The following CFAP418 variants were observed in gnomAD, a reference collection of about 807,000 sequenced individuals.
CFAP418 encodes cilia and flagella associated protein 418.
In CFAP418, 27 loss-of-function variants were observed where a neutral mutation model predicts 24.7. The ratio of observed to expected loss-of-function variants is 1.09; its 90% CI spans 0.81 to 1.51. The LOEUF is 1.51. CFAP418 is among the 40% of genes most tolerant of loss of function. The probability of loss-of-function intolerance (pLI) is 0.00; values close to 1 mark genes in which losing one functional copy is unlikely to be tolerated. For missense variants in CFAP418, 257 were observed against 255.2 expected, an observed-to-expected ratio of 1.01 and a Z score of -0.05; for synonymous variants, 74 against 87.3, an observed-to-expected ratio of 0.85 and a Z score of 0.85.
intron 2 of CFAP418, 133 bp downstream of exon 2, chr8:95,263,554 T>C (rs1206917747): frequency 5.5e-6 from 3 of 545,706 alleles, no homozygotes; most frequent in Non-Finnish European, 9.8e-6. Flanking sequence ...TTAAGTGTAA[T>C]AATTTCTTTA....
intron 2 of CFAP418, 44 bp from the exon 3 acceptor site, chr8:95,260,576 A>C (rs746289055): frequency 4.2e-6 from 5 of 1,177,554 alleles, no homozygotes; most frequent in South Asian, 2.8e-5. Flanking sequence ...GTAACTTAGA[A>C]AACTGTAACA....
intron 1 of CFAP418, among the ~76,000 whole-genome samples, chr8:95,267,418 G>A (rs1812007880): frequency 6.6e-6 from 1 of 152,028 alleles, no homozygotes; most frequent in Non-Finnish European, 1.5e-5. Flanking sequence ...TGGCTAACAC[G>A]GTGAAACCCC....
In CFAP418 at chr8:95,268,751, C is replaced by G. The variant is rs1309657633; in HGVS notation, c.155+284G>C. 478 of 114,028 alleles carry G rather than the reference C, an allele frequency of 4.2e-3. 4 individuals are homozygous for G. Among genetic ancestry groups the G allele is most frequent in the Non-Finnish European group, 6.1e-3 (412 of 67,188 alleles). The allele number at this position is 114,028 out of a possible 1,614,324, so 7.1% of individuals were successfully genotyped here. Reference sequence around the variant, plus strand: ...AGACTGGCGCGGACTGCGGGCTCTGCGGGCGGGGCGGGGCGGGGCGGGGCG... The same window carrying G: ...AGACTGGCGCGGACTGCGGGCTCTGGGGGCGGGGCGGGGCGGGGCGGGGCG... On this transcript the variant is annotated intron_variant, in intron 1 of 5. Transcript: ENST00000286688.
At chr8:95,257,981 T>G (rs1485300096) in intron 4 of CFAP418, among the ~76,000 whole-genome samples, 1 of 152,122 alleles carries the variant, frequency 6.6e-6, no homozygotes, top group Non-Finnish European at 1.5e-5. Context: ...GACCTTCCTG[T>G]GGCGCAAGAT....
Position 95,247,397 on chromosome 8 carries a change from C to T in CFAP418, c.*220G>A. The T allele has an allele frequency of 1.9e-6, 1 of 535,718 alleles. No homozygotes were observed. Among genetic ancestry groups the T allele is most frequent in the Non-Finnish European group, 3.3e-6 (1 of 304,080 alleles). 33.2% of individuals were successfully genotyped at this position (535,718 alleles called of 1,614,324 possible). A position where few individuals can be genotyped will look rare whatever the true frequency, so the allele number is the denominator to read the frequency against. ...TAGTAAAGAATGTAGATGCCTGTTACTAAGTGAAACATCCATGTATCAGGA... is the reference window on the plus strand; with the variant it reads ...TAGTAAAGAATGTAGATGCCTGTTATTAAGTGAAACATCCATGTATCAGGA... On this transcript the variant is annotated 3_prime_UTR_variant, in exon 6 of 6. Coordinates refer to ENST00000286688, the MANE Select transcript of CFAP418 (RefSeq NM_177965.4).
chr8:95,252,151 G>T, intron 5 of CFAP418, 37 bp downstream of exon 5: 1 of 1,462,782 alleles, frequency 6.8e-7, no homozygotes, highest in Non-Finnish European at 9.5e-7. Context: ...TAAACTACTT[G>T]GTACTTTTTT....
Position 95,252,208 on chromosome 8 carries a change from C to T in CFAP418, c.450G>A (p.Ser150=), listed in dbSNP as rs35141355. 0.017 allele frequency: 28,046 copies of T among 1,612,252 alleles called. 351 individuals carry two copies. The highest frequency in any genetic ancestry group is 0.017 in the Non-Finnish European group (20,333 of 1,178,984). Residue 150 remains serine, a synonymous_variant, in exon 5 of 6, where the codon TCG becomes TCA. Coordinates refer to ENST00000286688, the MANE Select transcript of CFAP418 (RefSeq NM_177965.4). ...CATACCTGAAAAACAGATAATCACA[C>T]GATTTGTCCCACATATAGTCATCAT... ...VSYDDYMWDK[S]CDYLFFRNNM... is the part of the protein sequence containing the mutation.
At chr8:95,248,195 C>T (rs1270180138) in intron 5 of CFAP418, among the ~76,000 whole-genome samples, 1 of 152,188 alleles carries the variant, frequency 6.6e-6, no homozygotes, top group Non-Finnish European at 1.5e-5. Flanking sequence ...TCCCCTCACA[C>T]TAACACTAGA....
chr8:95,265,447 G>T (rs1430707731), intron 1 of CFAP418, among the ~76,000 whole-genome samples: 1 of 152,122 alleles, frequency 6.6e-6, no homozygotes, highest in Non-Finnish European at 1.5e-5. Flanking sequence ...TCTCTCGAAG[G>T]TTTCCACTGC....
At position 95,245,452 on chromosome 8, in the gene CFAP418, C is replaced by A. The variant is rs896016322; in HGVS notation, c.*2165G>T. On this transcript the variant is annotated 3_prime_UTR_variant, in exon 6 of 6. Coordinates refer to ENST00000286688, the MANE Select transcript of CFAP418 (RefSeq NM_177965.4). ...TGAAATAATAAAAGGGAAAAAAAAA[C>A]CAGGACAACTTTGTCCCTTCAAAGT... 6 of 152,050 alleles carry A rather than the reference C, an allele frequency of 3.9e-5. No homozygotes were observed. The highest frequency in any genetic ancestry group is 9.7e-5 in the African/African-American group (4 of 41,426). The allele number at this position is 152,050 out of a possible 1,614,324, so 9.4% of individuals were successfully genotyped here. A position where few individuals can be genotyped will look rare whatever the true frequency, so the allele number is the denominator to read the frequency against.
At chr8:95,257,443 T>C (rs991889178) in intron 4 of CFAP418, among the ~76,000 whole-genome samples, 2 of 152,334 alleles carry the variant, frequency 1.3e-5, no homozygotes, top group South Asian at 2.1e-4. Context: ...TTTTGTCCTA[T>C]AGCCCTACCT....
chr8:95,266,320 C>T (rs141512119), intron 1 of CFAP418, among the ~76,000 whole-genome samples: 28 of 152,216 alleles, frequency 1.8e-4, no homozygotes, highest in African/African-American at 6.7e-4. Flanking sequence ...CTTCTCAACC[C>T]ACATCAGTCT....
chr8:95,258,467 T>C (rs1489954524), intron 4 of CFAP418, among the ~76,000 whole-genome samples: 1 of 151,578 alleles, frequency 6.6e-6, no homozygotes, highest in Non-Finnish European at 1.5e-5. Flanking sequence ...GAAAATATTT[T>C]AGTATAGCTG....
intron 4 of CFAP418, among the ~76,000 whole-genome samples, chr8:95,254,139 T>G (rs1011555413): frequency 2.0e-5 from 3 of 152,258 alleles, no homozygotes; most frequent in African/African-American, 7.2e-5. Context: ...AGTACCAGTC[T>G]ATGGAATAAT....
chr8:95,248,610 G>A (rs62522658), intron 5 of CFAP418, among the ~76,000 whole-genome samples: 5,580 of 152,094 alleles, frequency 0.037, 144 homozygotes, highest in African/African-American at 0.062. Context: ...TAGGGCCATC[G>A]TAAAAATGAT....
At chr8:95,250,517 A>C (rs778660471) in intron 5 of CFAP418, among the ~76,000 whole-genome samples, 16 of 152,174 alleles carry the variant, frequency 1.1e-4, no homozygotes, top group Non-Finnish European at 2.2e-4. Flanking sequence ...TTATTATCCT[A>C]TGATAGTTTT....
intron 5 of CFAP418, among the ~76,000 whole-genome samples, chr8:95,249,296 G>T (rs1811673116): frequency 6.6e-6 from 1 of 152,172 alleles, no homozygotes; most frequent in South Asian, 2.1e-4. Flanking sequence ...CGATTTAATA[G>T]AAAAATAAAA....
chr8:95,247,799 T>C (rs751455882), intron 5 of CFAP418, 29 bp from the exon 6 acceptor site: 13 of 1,572,912 alleles, frequency 8.3e-6, no homozygotes, highest in South Asian at 5.9e-5. Flanking sequence ...AGTTTTAGCA[T>C]AGTGGCTTTG....
In CFAP418 at chr8:95,245,889, C is replaced by T. The variant is rs1330749630; in HGVS notation, c.*1728G>A. ...TGCTCTGCTATTTTTTTCCAGCAGTCGACTTCAATCGACATCCCCCTAGGT... is the reference window on the plus strand; with the variant it reads ...TGCTCTGCTATTTTTTTCCAGCAGTTGACTTCAATCGACATCCCCCTAGGT... On this transcript the variant is annotated 3_prime_UTR_variant, in exon 6 of 6. Transcript: ENST00000286688. The T allele has an allele frequency of 2.6e-5, 4 of 151,850 alleles. No individual in the cohort carries two copies. Among genetic ancestry groups the T allele is most frequent in the Admixed American group, 6.6e-5 (1 of 15,254 alleles). 9.4% of individuals were successfully genotyped at this position (151,850 alleles called of 1,614,324 possible).
Sources: gnomAD v4.1 joint callset for allele counts (sites outside exome capture counted in the v4.1 genomes callset) on GRCh38, gnomAD v4.1.1 for gene constraint, MANE v1.5 for transcripts, NCBI Gene and HGNC (gene_info 2026-07-23, HGNC 2026-07-21) for gene names.